The following LIN9 variants were observed in gnomAD, a reference collection of about 807,000 sequenced individuals.
The protein encoded by LIN9 is lin-9 DREAM MuvB core complex component.
A neutral mutation model predicts 78.0 loss-of-function variants in LIN9; 18 were observed. The ratio of observed to expected loss-of-function variants is 0.23; its 90% CI spans 0.16 to 0.34. The LOEUF is 0.34. LIN9 is among the 10% of genes least tolerant of loss of function. The pLI, the probability that LIN9 is intolerant of heterozygous loss-of-function variation, is 1.00. For synonymous variants in LIN9, 192 were observed against 215.2 expected, an observed-to-expected ratio of 0.89 and a Z score of 0.94; for missense variants, 451 against 644.1, an observed-to-expected ratio of 0.70 and a Z score of 3.25.
intron 5 of LIN9, 146 bp downstream of exon 5, chr1:226,287,518 G>T: frequency 1.8e-6 from 1 of 542,796 alleles, no homozygotes; most frequent in Non-Finnish European, 3.1e-6. Flanking sequence ...AAATAGAATA[G>T]ATCCAACTGG....
chr1:226,300,515 C>T (rs533926881), intron 2 of LIN9, among the ~76,000 whole-genome samples: 3 of 152,226 alleles, frequency 2.0e-5, no homozygotes, highest in Admixed American at 2.0e-4. Flanking sequence ...CACATCACCA[C>T]ACTCTAGCCT....
At chr1:226,257,352 A>G (rs917906704) in intron 10 of LIN9, among the ~76,000 whole-genome samples, 3 of 152,266 alleles carry the variant, frequency 2.0e-5, no homozygotes, top group South Asian at 4.1e-4. Flanking sequence ...CGTTGAAGGT[A>G]AAATACAAAC....
chr1:226,259,299 A>G (rs1271553817), intron 10 of LIN9, among the ~76,000 whole-genome samples: 1 of 152,168 alleles, frequency 6.6e-6, no homozygotes, highest in East Asian at 1.9e-4. Context: ...ACAGAACATC[A>G]AAACATGAGG....
chr1:226,306,563 T>C (rs1048077995), intron 1 of LIN9, among the ~76,000 whole-genome samples: 3 of 152,222 alleles, frequency 2.0e-5, no homozygotes, highest in African/African-American at 7.2e-5. Flanking sequence ...GGGCTGAAGA[T>C]AGCCTTAATT....
rs772525176 is a variant in LIN9, at chr1:226,309,131, C to T, written c.9G>A (p.Glu3=). Residue 3 remains glutamate, a synonymous_variant, in exon 1 of 15, where the codon GAG becomes GAA. Transcript: ENST00000681046. The part of the protein sequence containing the change: MA[E]LDQLPDESSS... ...CACTCTCGTCAGGCAACTGGTCGAG[C>T]TCCGCCATCTTGAACGAGCCGCGCC... The T allele has an allele frequency of 5.2e-6, 7 of 1,346,768 alleles. No homozygotes were observed. Among genetic ancestry groups the T allele is most frequent in the Middle Eastern group, 2.2e-4 (1 of 4,594 alleles). The allele number at this position is 1,346,768 out of a possible 1,614,324, so 83.4% of individuals were successfully genotyped here. A position where few individuals can be genotyped will look rare whatever the true frequency, so the allele number is the denominator to read the frequency against.
intron 6 of LIN9, among the ~76,000 whole-genome samples, chr1:226,279,025 G>C (rs1048249005): frequency 6.6e-6 from 1 of 151,956 alleles, no homozygotes; most frequent in Non-Finnish European, 1.5e-5. Context: ...GCAGGGCATG[G>C]CGGCGGGTGC....
At chr1:226,272,800 A>AC (rs1222890530) in intron 7 of LIN9, among the ~76,000 whole-genome samples, 2 of 151,312 alleles carry the variant, frequency 1.3e-5, no homozygotes, top group African/African-American at 4.9e-5. Flanking sequence ...TGCCTTTTTG[A>AC]CCCCCACATT....
At chr1:226,246,610 G>A (rs1409741960) in intron 11 of LIN9, among the ~76,000 whole-genome samples, 6 of 149,604 alleles carry the variant, frequency 4.0e-5, no homozygotes, top group East Asian at 1.9e-4. Flanking sequence ...GTGAAACCCC[G>A]TCTCTACTAA....
Position 226,299,616 on chromosome 1 carries a change from T to C in LIN9, c.64+1557A>G, listed in dbSNP as rs548957388. On this transcript the variant is annotated intron_variant, in intron 2 of 14. Coordinates refer to ENST00000681046, the MANE Select transcript of LIN9 (RefSeq NM_001366245.2). ...AAAAGACAAACAAACTGGGGTGTTC[T>C]GGAAGACAAATTGTCTTCTCAAGCT... 5.5e-4 allele frequency among the ~76,000 whole-genome samples: 84 copies of C among 152,240 alleles called. 1 individual carries two copies. The highest frequency in any genetic ancestry group is 2.0e-3 in the African/African-American group (82 of 41,558).
intron 2 of LIN9, 23 bp downstream of exon 2, chr1:226,301,150 C>T (rs770405261): frequency 6.4e-7 from 1 of 1,570,132 alleles, no homozygotes; most frequent in East Asian, 2.2e-5. Flanking sequence ...CTATGGTATA[C>T]CTAAAAATGC....
intron 6 of LIN9, among the ~76,000 whole-genome samples, chr1:226,278,516 CA>C (rs1660811636): frequency 6.6e-6 from 1 of 151,436 alleles, no homozygotes; most frequent in Non-Finnish European, 1.5e-5. Context: ...ATACTGTATT[CA>C]AAAATAGGTT....
At chr1:226,298,873 C>T (rs1662330299) in intron 2 of LIN9, among the ~76,000 whole-genome samples, 1 of 152,096 alleles carries the variant, frequency 6.6e-6, no homozygotes, top group Non-Finnish European at 1.5e-5. Flanking sequence ...GTCTGGGCAA[C>T]ATGGCAAGTC....
At chr1:226,259,863 TAA>T (rs879933378) in intron 10 of LIN9, among the ~76,000 whole-genome samples, 5 of 131,114 alleles carry the variant, frequency 3.8e-5, no homozygotes, top group Non-Finnish European at 1.7e-5. Flanking sequence ...CTTAGGAAAC[TAA>T]AAAAAAAAAA....
chr1:226,242,675 A>C (rs918276198), intron 11 of LIN9, among the ~76,000 whole-genome samples: 11 of 152,136 alleles, frequency 7.2e-5, no homozygotes, highest in Non-Finnish European at 1.2e-4. Flanking sequence ...ACAGCCTACC[A>C]GATCGTATAG....
Position 226,243,088 on chromosome 1 carries a change from T to C in LIN9, c.1120-3992A>G, listed in dbSNP as rs919235217. Among the ~76,000 whole-genome samples the C allele has an allele frequency of 2.0e-5, 3 of 150,412 alleles. No individual in the cohort carries two copies. The East Asian group carries it at 5.9e-4, about 29-fold the overall frequency. ...GCGGATTTTTGACTGCTGGCGGGGG[T>C]TGCACCCCTAACCCCCATGTTGTTT... On this transcript the variant is annotated intron_variant, in intron 11 of 14. Coordinates refer to ENST00000681046, the MANE Select transcript of LIN9 (RefSeq NM_001366245.2).
intron 1 of LIN9, among the ~76,000 whole-genome samples, chr1:226,303,117 A>G (rs1179604823): frequency 6.6e-6 from 1 of 152,228 alleles, no homozygotes; most frequent in Non-Finnish European, 1.5e-5. Context: ...CAAACAATGA[A>G]ACACAACTGT....
intron 1 of LIN9, among the ~76,000 whole-genome samples, chr1:226,305,889 A>T (rs1200317888): frequency 6.6e-6 from 1 of 152,198 alleles, no homozygotes; most frequent in African/African-American, 2.4e-5. Context: ...GGGCTGAATT[A>T]ATGAGAGGCT....
Position 226,271,552 on chromosome 1 carries a change from T to G in LIN9, c.683-3462A>C, listed in dbSNP as rs544114733. On this transcript the variant is annotated intron_variant, in intron 7 of 14. Transcript: ENST00000681046. ...CATTTGCCTATGTAAATAATATGTA[T>G]TCTGCAGTTGAGTGTATTGTTCTAA... is the stretch of plus-strand genomic sequence containing the variant. Among the ~76,000 whole-genome samples the G allele has an allele frequency of 3.9e-5, 6 of 152,286 alleles. No homozygotes were observed. The South Asian group carries it at 8.3e-4, about 21-fold the overall frequency.
At chr1:226,289,855 GT>G (rs1256971788) in intron 4 of LIN9, among the ~76,000 whole-genome samples, 70 of 64,346 alleles carry the variant, frequency 1.1e-3, no homozygotes, top group African/African-American at 2.9e-3. Flanking sequence ...GTGGGGGGGG[GT>G]GGGAAAGCTA....
Sources: gnomAD v4.1 joint callset for allele counts (sites outside exome capture counted in the v4.1 genomes callset) on GRCh38, gnomAD v4.1.1 for gene constraint, MANE v1.5 for transcripts, NCBI Gene and HGNC (gene_info 2026-07-23, HGNC 2026-07-21) for gene names.